GMDS: variants seen among roughly 807,000 people sequenced by gnomAD.
GMDS encodes the protein GDP-mannose 4,6 dehydratase.
In GMDS, 20 loss-of-function variants were observed where a neutral mutation model predicts 49.9. The ratio of observed to expected loss-of-function variants is 0.40; its 90% CI spans 0.28 to 0.58. The LOEUF (loss-of-function observed/expected upper bound fraction) is 0.58, where lower values mean the gene tolerates loss of function less well. Ranked by LOEUF, GMDS falls within the 20% of genes least tolerant of loss-of-function variation. The probability of loss-of-function intolerance (pLI) is 0.42; values close to 1 mark genes in which losing one functional copy is unlikely to be tolerated. For missense variants in GMDS, 362 were observed against 481.4 expected, an observed-to-expected ratio of 0.75 and a Z score of 2.32; for synonymous variants, 177 against 178.6, an observed-to-expected ratio of 0.99 and a Z score of 0.07.
intron 4 of GMDS, among the ~76,000 whole-genome samples, chr6:2,103,980 T>C (rs1471336890): frequency 1.3e-5 from 2 of 152,204 alleles, no homozygotes; most frequent in Non-Finnish European, 2.9e-5. Flanking sequence ...AATGCTGACA[T>C]TTGAGCAAAC....
chr6:1,872,138 G>A (rs1758791231), intron 7 of GMDS, among the ~76,000 whole-genome samples: 2 of 152,190 alleles, frequency 1.3e-5, no homozygotes, highest in Non-Finnish European at 2.9e-5. Context: ...TCTTCTGGCA[G>A]TAGACAACAA....
chr6:2,063,326 A>C (rs1771304615), intron 4 of GMDS, among the ~76,000 whole-genome samples: 1 of 152,202 alleles, frequency 6.6e-6, no homozygotes, highest in Admixed American at 6.5e-5. Context: ...TAATTTCTTA[A>C]GGAATTCATT....
intron 8 of GMDS, among the ~76,000 whole-genome samples, chr6:1,735,660 C>T (rs1766975145): frequency 6.6e-6 from 1 of 152,128 alleles, no homozygotes; most frequent in South Asian, 2.1e-4. Flanking sequence ...TTTCTCATGC[C>T]CTCCCACCCA....
At chr6:2,186,382 C>CT (rs1778780859) in intron 1 of GMDS, among the ~76,000 whole-genome samples, 1 of 152,138 alleles carries the variant, frequency 6.6e-6, no homozygotes, top group African/African-American at 2.4e-5. Flanking sequence ...TGGCATAAGT[C>CT]TACCTACTCA....
At chr6:2,078,232 A>C (rs1181491654) in intron 4 of GMDS, among the ~76,000 whole-genome samples, 1 of 151,936 alleles carries the variant, frequency 6.6e-6, no homozygotes, top group Non-Finnish European at 1.5e-5. Flanking sequence ...TTTTCGTTTA[A>C]CTGATCCTTT....
intron 1 of GMDS, among the ~76,000 whole-genome samples, chr6:2,132,923 A>G (rs921492108): frequency 2.0e-5 from 3 of 151,980 alleles, no homozygotes; most frequent in African/African-American, 4.8e-5. Flanking sequence ...TTAACAGTGA[A>G]CTTCACACTG....
chr6:1,963,110 C>T (rs960153487), intron 4 of GMDS, among the ~76,000 whole-genome samples: 4 of 151,232 alleles, frequency 2.6e-5, no homozygotes, highest in African/African-American at 9.7e-5. Context: ...CTCCTGATCT[C>T]ATGATCCACC....
At chr6:1,880,627 G>A (rs1476738068) in intron 7 of GMDS, among the ~76,000 whole-genome samples, 1 of 152,110 alleles carries the variant, frequency 6.6e-6, no homozygotes, top group East Asian at 1.9e-4. Flanking sequence ...GCTAGAGTTG[G>A]TATTTCTGCC....
intron 7 of GMDS, among the ~76,000 whole-genome samples, chr6:1,777,623 C>T (rs536474144): frequency 1.0e-3 from 152 of 152,290 alleles, no homozygotes; most frequent in African/African-American, 3.0e-3. Context: ...ATGTTGAACA[C>T]GTCTCTGCTC....
intron 4 of GMDS, among the ~76,000 whole-genome samples, chr6:2,051,971 G>C (rs1473439359): frequency 1.3e-5 from 2 of 151,872 alleles, no homozygotes; most frequent in Non-Finnish European, 2.9e-5. Context: ...ACAAAAATTA[G>C]TCGGGCGTGG....
intron 7 of GMDS, among the ~76,000 whole-genome samples, chr6:1,875,448 T>C (rs554109830): frequency 2.6e-4 from 40 of 151,814 alleles, no homozygotes; most frequent in Admixed American, 6.6e-4. Context: ...TACAGAAAAA[T>C]TGTAGCACAC....
chr6:1,813,156 A>G (rs1044050904), intron 7 of GMDS, among the ~76,000 whole-genome samples: 5 of 149,186 alleles, frequency 3.4e-5, no homozygotes, highest in African/African-American at 5.0e-5. Flanking sequence ...TAGGAGTTCA[A>G]GGCTACAGGA....
At chr6:2,049,746 A>G (rs1194851063) in intron 4 of GMDS, among the ~76,000 whole-genome samples, 2 of 152,184 alleles carry the variant, frequency 1.3e-5, no homozygotes, top group African/African-American at 2.4e-5. Context: ...GCACAACAAC[A>G]TGGAGACTGA....
intron 9 of GMDS, among the ~76,000 whole-genome samples, chr6:1,711,786 G>A (rs762761299): frequency 6.6e-5 from 10 of 152,176 alleles, no homozygotes; most frequent in Admixed American, 3.3e-4. Flanking sequence ...CATCTTTTCC[G>A]TCCGATTTTG....
chr6:2,168,745 A>T (rs2127552423), intron 1 of GMDS, among the ~76,000 whole-genome samples: 1 of 152,334 alleles, frequency 6.6e-6, no homozygotes, highest in African/African-American at 2.4e-5. Flanking sequence ...ATGCCAAATA[A>T]GGACTCTGTT....
intron 7 of GMDS, among the ~76,000 whole-genome samples, chr6:1,834,135 A>G (rs2113732341): frequency 6.6e-6 from 1 of 152,352 alleles, no homozygotes; most frequent in South Asian, 2.1e-4. Flanking sequence ...AATGCTTGGC[A>G]TGCTTTGAAA....
At chr6:2,202,185 A>T (rs371366315) in intron 1 of GMDS, among the ~76,000 whole-genome samples, 1 of 145,886 alleles carries the variant, frequency 6.9e-6, no homozygotes, top group East Asian at 2.1e-4. Flanking sequence ...TGGACATCCG[A>T]GATGTAACCA....
intron 4 of GMDS, among the ~76,000 whole-genome samples, chr6:1,980,471 A>G (rs1765160566): frequency 6.6e-6 from 1 of 152,168 alleles, no homozygotes; most frequent in Non-Finnish European, 1.5e-5. Context: ...CATAATGGTA[A>G]AGGGCTCAAT....
chr6:2,017,718 C>A (rs958169265), intron 4 of GMDS, among the ~76,000 whole-genome samples: 3 of 152,174 alleles, frequency 2.0e-5, no homozygotes, highest in Non-Finnish European at 2.9e-5. Flanking sequence ...TAACTACTTA[C>A]TGTTGACTGA....
Sources: gnomAD v4.1 joint callset for allele counts (sites outside exome capture counted in the v4.1 genomes callset) on GRCh38, gnomAD v4.1.1 for gene constraint, MANE v1.5 for transcripts, NCBI Gene and HGNC (gene_info 2026-07-23, HGNC 2026-07-21) for gene names.